COL14A1: variants seen among roughly 807,000 people sequenced by gnomAD.
COL14A1 encodes collagen alpha-1(XIV) chain.
Under a neutral mutation model 230.3 loss-of-function variants are expected in COL14A1, and 136 were observed. The ratio of observed to expected loss-of-function variants is 0.59; its 90% CI spans 0.51 to 0.68. The LOEUF (loss-of-function observed/expected upper bound fraction) is 0.68, where lower values mean the gene tolerates loss of function less well. Ranked by LOEUF, COL14A1 falls within the 30% of genes least tolerant of loss-of-function variation. The probability of loss-of-function intolerance (pLI) is 0.00; values close to 1 mark genes in which losing one functional copy is unlikely to be tolerated. For missense variants in COL14A1, 1,976 were observed against 2,215.8 expected, an observed-to-expected ratio of 0.89 and a Z score of 2.17; for synonymous variants, 792 against 784.1, an observed-to-expected ratio of 1.01 and a Z score of -0.17.
rs914844330 is a variant in COL14A1 at position 120,266,976 on chromosome 8, G to A, written c.3073+93G>A. 8.7e-5 allele frequency: 97 copies of A among 1,110,366 alleles called. No homozygotes were observed. In the African/African-American group the frequency reaches 1.4e-3, roughly 16 times the overall value. The allele number at this position is 1,110,366 out of a possible 1,614,324, so 68.8% of individuals were successfully genotyped here. On this transcript the variant is annotated intron_variant, in intron 25 of 47. Transcript: ENST00000297848. ...CATTTCAAACCAGGATATTAATAAA[G>A]TATATTTATTGTGCTACCTAATTTT...
At chr8:120,226,504 T>C in intron 15 of COL14A1, 123 bp from the exon 16 acceptor site, 1 of 963,314 alleles carries the variant, frequency 1.0e-6, no homozygotes, top group Non-Finnish European at 1.5e-6. Context: ...GTTTTCCTTC[T>C]TTCCTGTGCT....
intron 42 of COL14A1, 56 bp downstream of exon 42, chr8:120,332,791 T>C: frequency 2.9e-6 from 4 of 1,399,092 alleles, no homozygotes; most frequent in Non-Finnish European, 4.0e-6. Flanking sequence ...CGTTTATTTA[T>C]GTGTTTAAAT....
chr8:120,264,203 AAT>A (rs1229498289), intron 24 of COL14A1, among the ~76,000 whole-genome samples: 1 of 152,056 alleles, frequency 6.6e-6, no homozygotes, highest in Non-Finnish European at 1.5e-5. Flanking sequence ...CATAAGTGGA[AAT>A]ATATCATATG....
chr8:120,347,429 T>C (rs1005620286), intron 45 of COL14A1, among the ~76,000 whole-genome samples: 6 of 152,172 alleles, frequency 3.9e-5, no homozygotes, highest in African/African-American at 1.2e-4. Flanking sequence ...TTTTAGTTGA[T>C]GACCACTTGA....
chr8:120,358,139 TA>T (rs886440058), intron 45 of COL14A1, among the ~76,000 whole-genome samples: 1 of 152,204 alleles, frequency 6.6e-6, no homozygotes, highest in Admixed American at 6.5e-5. Flanking sequence ...TTTCTGTAGA[TA>T]AAAAAATTTT....
At chr8:120,273,882 A>G (rs1819755185) in intron 26 of COL14A1, among the ~76,000 whole-genome samples, 2 of 151,454 alleles carry the variant, frequency 1.3e-5, no homozygotes, top group Admixed American at 6.6e-5. Flanking sequence ...ATTGGTACCA[A>G]TTGTATGGAA....
chr8:120,314,980 T>C (rs182387141), intron 38 of COL14A1, among the ~76,000 whole-genome samples: 167 of 152,366 alleles, frequency 1.1e-3, no homozygotes, highest in African/African-American at 3.9e-3. Flanking sequence ...CTTGCCATAT[T>C]AGACTGTATA....
intron 4 of COL14A1, among the ~76,000 whole-genome samples, chr8:120,165,787 A>G (rs555987739): frequency 6.6e-6 from 1 of 152,346 alleles, no homozygotes; most frequent in East Asian, 1.9e-4. Context: ...ACAAGATGGA[A>G]ATAAAGGTTT....
chr8:120,220,371 T>TCAAGCGATTCTCCTGCCTC (rs1817891024), intron 14 of COL14A1, among the ~76,000 whole-genome samples: 1 of 151,294 alleles, frequency 6.6e-6, no homozygotes, highest in African/African-American at 2.4e-5. Flanking sequence ...CCTCCTGGGT[T>TCAAGCGATTCTCCTGCCTC]CAAGCGATTC....
At chr8:120,255,879 C>T (rs1819134188) in intron 23 of COL14A1, among the ~76,000 whole-genome samples, 1 of 151,690 alleles carries the variant, frequency 6.6e-6, no homozygotes, top group African/African-American at 2.4e-5. Flanking sequence ...TTCAGCATTA[C>T]AGTTCTCATG....
chr8:120,155,988 G>A (rs1815464155), intron 2 of COL14A1, among the ~76,000 whole-genome samples: 1 of 152,156 alleles, frequency 6.6e-6, no homozygotes, highest in African/African-American at 2.4e-5. Flanking sequence ...GGAAGCTAAT[G>A]TTTTTATTCA....
intron 1 of COL14A1, among the ~76,000 whole-genome samples, chr8:120,133,233 A>T (rs540596445): frequency 7.9e-5 from 12 of 151,406 alleles, no homozygotes; most frequent in Non-Finnish European, 5.9e-5. Flanking sequence ...AAAAAAATAA[A>T]AAAAAAAAAA....
chr8:120,169,056 A>G (rs1316140291), intron 5 of COL14A1, among the ~76,000 whole-genome samples: 4 of 152,034 alleles, frequency 2.6e-5, no homozygotes, highest in African/African-American at 9.7e-5. Context: ...GGGTTTTGCC[A>G]TGTTGTCCAG....
chr8:120,155,312 TGAATG>T (rs1342056574), intron 2 of COL14A1, among the ~76,000 whole-genome samples: 1 of 152,202 alleles, frequency 6.6e-6, no homozygotes, highest in Non-Finnish European at 1.5e-5. Flanking sequence ...CTTGAGCAAT[TGAATG>T]GAAGCCGATG....
chr8:120,216,271 T>G, intron 13 of COL14A1, 80 bp from the exon 14 acceptor site: 3 of 1,183,674 alleles, frequency 2.5e-6, no homozygotes, highest in Non-Finnish European at 3.6e-6. Flanking sequence ...TGTAAATAGT[T>G]TAGAAGTCAA....
chr8:120,218,905 T>G (rs995958078), intron 14 of COL14A1, among the ~76,000 whole-genome samples: 1 of 152,124 alleles, frequency 6.6e-6, no homozygotes, highest in Non-Finnish European at 1.5e-5. Context: ...TTAAAAGAGT[T>G]GACTCATTGA....
chr8:120,154,876 G>T (rs1001047936), intron 2 of COL14A1, among the ~76,000 whole-genome samples: 3 of 152,134 alleles, frequency 2.0e-5, no homozygotes, highest in African/African-American at 7.2e-5. Context: ...CATGAGATAA[G>T]AGCAATTATT....
intron 40 of COL14A1, among the ~76,000 whole-genome samples, chr8:120,330,282 T>C (rs1396233810): frequency 1.3e-5 from 2 of 152,182 alleles, no homozygotes; most frequent in Non-Finnish European, 2.9e-5. Context: ...GCAAAGGGCT[T>C]TGCTGACCAG....
At chr8:120,150,277 C>T (rs770076829) in intron 2 of COL14A1, among the ~76,000 whole-genome samples, 1 of 152,118 alleles carries the variant, frequency 6.6e-6, no homozygotes, top group Non-Finnish European at 1.5e-5. Context: ...CGATGATTCT[C>T]ATATTTGCAA....
Sources: allele counts gnomAD v4.1 joint callset (sites outside exome capture counted in the v4.1 genomes callset), GRCh38; gene constraint gnomAD v4.1.1; transcripts MANE v1.5; gene names NCBI Gene and HGNC (gene_info 2026-07-23, HGNC 2026-07-21).